CLEC19A: variants seen among roughly 807,000 people sequenced by gnomAD.
The protein encoded by CLEC19A is C-type lectin domain containing 19A.
CLEC19A carries 21 observed loss-of-function variants against 26.1 expected under a neutral mutation model. That is an observed-to-expected ratio of 0.80 (90% CI 0.57 to 1.16). CLEC19A has a LOEUF of 1.16. CLEC19A is among the 50% of genes most tolerant of loss of function. CLEC19A has a pLI of 0.00. For synonymous variants in CLEC19A, 89 were observed against 88.6 expected, an observed-to-expected ratio of 1.00 and a Z score of -0.03; for missense variants, 224 against 227.6, an observed-to-expected ratio of 0.98 and a Z score of 0.10.
At chr16:19,293,307 A>C (rs1004543774) in intron 1 of CLEC19A, among the ~76,000 whole-genome samples, 1 of 152,196 alleles carries the variant, frequency 6.6e-6, no homozygotes, top group Non-Finnish European at 1.5e-5. Context: ...GAGCACAAAA[A>C]AGGAAAACAC....
chr16:19,302,574 G>A (rs1239260136), intron 2 of CLEC19A, among the ~76,000 whole-genome samples: 1 of 152,162 alleles, frequency 6.6e-6, no homozygotes, highest in East Asian at 1.9e-4. Flanking sequence ...ATTCTGTATT[G>A]ATTTCTTTGA....
intron 1 of CLEC19A, among the ~76,000 whole-genome samples, chr16:19,286,420 G>A (rs1488862135): frequency 6.6e-6 from 1 of 152,326 alleles, no homozygotes; most frequent in East Asian, 1.9e-4. Context: ...GAGGTTAGGT[G>A]CGCAGGGAGG....
chr16:19,288,165 G>A (rs1251720424), intron 1 of CLEC19A, among the ~76,000 whole-genome samples: 1 of 152,220 alleles, frequency 6.6e-6, no homozygotes, highest in Non-Finnish European at 1.5e-5. Flanking sequence ...CCAAGTGGCA[G>A]TTCAACTGCT....
rs1897609749 is a variant in CLEC19A at position 19,292,399 on chromosome 16, C to G, written c.89-6274C>G. On this transcript the variant is annotated intron_variant, in intron 1 of 4. Coordinates refer to ENST00000636231, the MANE Select transcript of CLEC19A (RefSeq NM_001256720.2). ...ACCAGGATCTGGCAACCTCTGCTTT[C>G]AGGACTTGGTTAAAAAAACTCCAGG... is the stretch of plus-strand genomic sequence containing the variant. Among the ~76,000 whole-genome samples, 4 of 152,274 alleles carry G rather than the reference C, an allele frequency of 2.6e-5. No homozygotes were observed. The South Asian group carries it at 8.3e-4, about 32-fold the overall frequency.
chr16:19,290,405 T>C (rs1897558955), intron 1 of CLEC19A, among the ~76,000 whole-genome samples: 1 of 149,046 alleles, frequency 6.7e-6, no homozygotes, highest in South Asian at 2.2e-4. Flanking sequence ...TTCCCGGCCA[T>C]GCTAAACCAT....
intron 4 of CLEC19A, among the ~76,000 whole-genome samples, chr16:19,308,520 G>C (rs179229): frequency 0.98 from 149,670 of 152,364 alleles, 73,515 homozygotes; most frequent in East Asian, 1. Flanking sequence ...TCACACCAAT[G>C]TTAAGAAATA....
At chr16:19,302,414 A>G (rs1212664151) in intron 2 of CLEC19A, among the ~76,000 whole-genome samples, 1 of 152,168 alleles carries the variant, frequency 6.6e-6, no homozygotes, top group Admixed American at 6.6e-5. Flanking sequence ...GATACACCTT[A>G]TTGCAACATA....
chr16:19,305,049 G>A (rs1177293121), intron 3 of CLEC19A: 1 of 152,456 alleles, frequency 6.6e-6, no homozygotes, highest in Non-Finnish European at 1.5e-5. Context: ...TTGTCTCACT[G>A]TGAATGCAGT....
At chr16:19,286,670 G>A (rs959689307) in intron 1 of CLEC19A, among the ~76,000 whole-genome samples, 2 of 152,190 alleles carry the variant, frequency 1.3e-5, no homozygotes, top group Admixed American at 1.3e-4. Context: ...TAATTTGGTG[G>A]CCAAGAGTCT....
At chr16:19,301,730 T>TG (rs1567255345) in intron 2 of CLEC19A, among the ~76,000 whole-genome samples, 1 of 65,010 alleles carries the variant, frequency 1.5e-5, no homozygotes, top group Non-Finnish European at 2.5e-5. Context: ...TGCCCAGGTT[T>TG]TTTTGGTTTT....
chr16:19,292,530 C>A (rs543569819), intron 1 of CLEC19A, among the ~76,000 whole-genome samples: 1 of 152,178 alleles, frequency 6.6e-6, no homozygotes, highest in African/African-American at 2.4e-5. Context: ...GTGTTTGATT[C>A]CCTACATGTA....
Position 19,309,034 on chromosome 16 carries a change from G to A in CLEC19A, c.512G>A (p.Ser171Asn), listed in dbSNP as rs769989286. ...ALRSWNDNTC[S>N]RKFPFVCKIP... The stretch of plus-strand genomic sequence containing the variant: ...AGGTCATGGAATGATAACACCTGCA[G>A]CCGGAAGTTCCCCTTTGTCTGCAAA... The change falls in exon 5 of 5, where the codon AGC becomes AAC. Residue 171 changes from serine to asparagine, a missense_variant. By Grantham distance (46) the Ser-to-Asn change is conservative. Coordinates refer to ENST00000636231, the MANE Select transcript of CLEC19A (RefSeq NM_001256720.2). The A allele has an allele frequency of 5.8e-6, 9 of 1,548,348 alleles. No homozygotes were observed. In the South Asian group the frequency reaches 1.1e-4, roughly 18 times the overall value.
At position 19,301,137 on chromosome 16, in the gene CLEC19A, A is replaced by C. The variant is rs534259024; in HGVS notation, c.254+2299A>C. 3.3e-5 allele frequency among the ~76,000 whole-genome samples: 5 copies of C among 152,326 alleles called. No individual in the cohort carries two copies. In the South Asian group the frequency reaches 1.0e-3, roughly 32 times the overall value. On this transcript the variant is annotated intron_variant, in intron 2 of 4. Transcript: ENST00000636231. Reference sequence around the variant, plus strand: ...AAATGAGATATATTCAATAAAAAGCAAATGCAAAAGTGATTCCAAATCAAG... The same window carrying C: ...AAATGAGATATATTCAATAAAAAGCCAATGCAAAAGTGATTCCAAATCAAG...
intron 4 of CLEC19A, among the ~76,000 whole-genome samples, chr16:19,307,925 T>A (rs1897991776): frequency 6.6e-6 from 1 of 152,130 alleles, no homozygotes; most frequent in South Asian, 2.1e-4. Flanking sequence ...AATGAAAAGA[T>A]GTTATAAATA....
intron 1 of CLEC19A, among the ~76,000 whole-genome samples, chr16:19,286,554 G>C (rs1022276982): frequency 6.6e-6 from 1 of 152,216 alleles, no homozygotes; most frequent in Non-Finnish European, 1.5e-5. Flanking sequence ...CCCATATGGA[G>C]GGTGAGGGTC....
At chr16:19,293,127 G>A (rs1254097950) in intron 1 of CLEC19A, among the ~76,000 whole-genome samples, 1 of 152,028 alleles carries the variant, frequency 6.6e-6, no homozygotes, top group East Asian at 1.9e-4. Context: ...GTAAAGAGGG[G>A]AAAAAAGAGA....
At chr16:19,307,494 T>C in intron 3 of CLEC19A, 51 bp from the exon 4 acceptor site, 1 of 1,542,796 alleles carries the variant, frequency 6.5e-7, no homozygotes, top group Non-Finnish European at 8.7e-7. Flanking sequence ...CTCAAATGCC[T>C]GATCTTCTTC....
intron 1 of CLEC19A, among the ~76,000 whole-genome samples, chr16:19,291,370 T>A (rs1249934204): frequency 5.3e-5 from 8 of 152,200 alleles, no homozygotes; most frequent in Non-Finnish European, 8.8e-5. Flanking sequence ...CTCTCTAGGT[T>A]TGGAGCTAGA....
chr16:19,303,293 C>G (rs1293060226), intron 2 of CLEC19A, among the ~76,000 whole-genome samples: 1 of 152,188 alleles, frequency 6.6e-6, no homozygotes, highest in East Asian at 1.9e-4. Flanking sequence ...ATTCATTCAT[C>G]CACCCATTCA....
Sources: allele counts gnomAD v4.1 joint callset (sites outside exome capture counted in the v4.1 genomes callset), GRCh38; gene constraint gnomAD v4.1.1; transcripts MANE v1.5; gene names NCBI Gene and HGNC (gene_info 2026-07-23, HGNC 2026-07-21).